Variants in ZFPM2 observed in about 807,000 individuals in gnomAD.
The protein encoded by ZFPM2 is zinc finger protein, FOG family member 2.
In ZFPM2, 20 loss-of-function variants were observed where a neutral mutation model predicts 98.6. That is an observed-to-expected ratio of 0.20 (90% CI 0.14 to 0.29). The LOEUF is 0.29. ZFPM2 is among the 10% of genes least tolerant of loss of function. The pLI is 1.00. For missense variants in ZFPM2, 1,310 were observed against 1,388.6 expected (o/e 0.94, Z 0.90); for synonymous variants, 518 against 502.7 (o/e 1.03, Z -0.41).
intron 4 of ZFPM2, among the ~76,000 whole-genome samples, chr8:105,576,808 G>A (rs1260491783): frequency 4.6e-5 from 7 of 152,018 alleles, no homozygotes; most frequent in African/African-American, 1.4e-4. Flanking sequence ...AAAACAGTTG[G>A]CTATTGTCTG....
At position 105,561,469 on chromosome 8, in the gene ZFPM2, T is replaced by C. The variant is rs1273773357; in HGVS notation, c.408T>C (p.Asn136=). 8 of 1,611,522 alleles carry C rather than the reference T, an allele frequency of 5.0e-6. No individual in the cohort carries two copies. The change falls in exon 4 of 8, where the codon AAT becomes AAC. Residue 136 remains asparagine (N), a synonymous_variant. Coordinates refer to ENST00000407775, the MANE Select transcript of ZFPM2 (RefSeq NM_012082.4). Reference sequence around the variant, plus strand: ...CGTTTCCTGGGAAGATGGACTTGAATAATAATTCTTTGGTATGTGGATATT... The same window carrying C: ...CGTTTCCTGGGAAGATGGACTTGAACAATAATTCTTTGGTATGTGGATATT... ...WGPFPGKMDL[N]NNSLKTKAQV... is the part of the protein sequence containing the mutation.
intron 4 of ZFPM2, among the ~76,000 whole-genome samples, chr8:105,587,278 GAAA>G (rs1217188691): frequency 3.8e-5 from 2 of 52,038 alleles, no homozygotes; most frequent in Admixed American, 2.2e-4. Context: ...CTCTGTCTCA[GAAA>G]AAAAAAAAAA....
chr8:105,794,093 C>T (rs1261269318), intron 6 of ZFPM2, among the ~76,000 whole-genome samples: 1 of 152,196 alleles, frequency 6.6e-6, no homozygotes, highest in Non-Finnish European at 1.5e-5. Flanking sequence ...CCTTCTCCGT[C>T]CAGCTTTGTT....
chr8:105,504,844 G>A (rs2291192), intron 3 of ZFPM2, among the ~76,000 whole-genome samples: 44,271 of 151,912 alleles, frequency 0.29, 6,627 homozygotes, highest in African/African-American at 0.35. Context: ...GAGAGAACAA[G>A]TTTAAAGTAC....
intron 5 of ZFPM2, among the ~76,000 whole-genome samples, chr8:105,676,277 T>C (rs1370399612): frequency 1.3e-5 from 2 of 152,180 alleles, no homozygotes; most frequent in Admixed American, 1.3e-4. Flanking sequence ...TAAGAAGTGC[T>C]TTGTACCACC....
At chr8:105,691,746 G>T (rs1263973786) in intron 5 of ZFPM2, among the ~76,000 whole-genome samples, 1 of 152,192 alleles carries the variant, frequency 6.6e-6, no homozygotes, top group Non-Finnish European at 1.5e-5. Flanking sequence ...TGAGGGTAGT[G>T]ATTTGAGTTA....
At chr8:105,336,593 A>G (rs1422349417) in intron 1 of ZFPM2, among the ~76,000 whole-genome samples, 1 of 151,642 alleles carries the variant, frequency 6.6e-6, no homozygotes, top group Non-Finnish European at 1.5e-5. Flanking sequence ...AGTAATTTTA[A>G]AAGGAATAAA....
At chr8:105,543,012 A>G (rs1440825961) in intron 3 of ZFPM2, among the ~76,000 whole-genome samples, 1 of 152,216 alleles carries the variant, frequency 6.6e-6, no homozygotes. Flanking sequence ...ACTAGTATCC[A>G]AAAAGATGTT....
intron 3 of ZFPM2, among the ~76,000 whole-genome samples, chr8:105,544,982 T>G (rs1814661145): frequency 6.6e-6 from 1 of 152,160 alleles, no homozygotes. Context: ...AAAGGGTGGA[T>G]TAATAATTTA....
intron 4 of ZFPM2, among the ~76,000 whole-genome samples, chr8:105,590,708 A>T (rs999309173): frequency 6.6e-6 from 1 of 152,248 alleles, no homozygotes; most frequent in Admixed American, 6.5e-5. Context: ...AAGTATGTGT[A>T]TACGTATAGA....
chr8:105,685,119 C>T (rs1810700880), intron 5 of ZFPM2, among the ~76,000 whole-genome samples: 1 of 151,992 alleles, frequency 6.6e-6, no homozygotes, highest in Non-Finnish European at 1.5e-5. Flanking sequence ...AAAGCAATGT[C>T]CAGCAAAGCT....
At position 105,696,937 on chromosome 8, in the gene ZFPM2, T is replaced by C. The variant is rs1811031854; in HGVS notation, c.532+62580T>C. 2.0e-5 allele frequency among the ~76,000 whole-genome samples: 3 copies of C among 152,318 alleles called. No homozygotes were observed. The South Asian group carries it at 6.2e-4, about 32-fold the overall frequency. On this transcript the variant is annotated intron_variant, in intron 5 of 7. Transcript: ENST00000407775. The stretch of plus-strand genomic sequence containing the variant: ...AATAAATTGGGGTATCGGTGACCCC[T>C]GATGAACTTGATATGTATTTGATTA...
At chr8:105,332,637 A>C (rs527926148) in intron 1 of ZFPM2, among the ~76,000 whole-genome samples, 1 of 151,784 alleles carries the variant, frequency 6.6e-6, no homozygotes, top group African/African-American at 2.4e-5. Flanking sequence ...TTAGTGCATT[A>C]CATAGTAAGT....
At chr8:105,359,742 G>GA (rs1350588903) in intron 1 of ZFPM2, among the ~76,000 whole-genome samples, 20 of 152,082 alleles carry the variant, frequency 1.3e-4, no homozygotes, top group Non-Finnish European at 2.6e-4. Flanking sequence ...TATTTCAATT[G>GA]AAAAAACTAT....
chr8:105,506,236 A>T (rs936747704), intron 3 of ZFPM2, among the ~76,000 whole-genome samples: 2 of 152,178 alleles, frequency 1.3e-5, no homozygotes, highest in Non-Finnish European at 2.9e-5. Context: ...TGAGAGAAGG[A>T]TTATACTCAA....
chr8:105,641,743 A>C (rs1220462660), intron 5 of ZFPM2, among the ~76,000 whole-genome samples: 1 of 152,138 alleles, frequency 6.6e-6, no homozygotes, highest in Non-Finnish European at 1.5e-5. Context: ...ACTATATGCT[A>C]TATGATGTGA....
chr8:105,780,201 A>C (rs905013937), intron 5 of ZFPM2: 7 of 152,106 alleles, frequency 4.6e-5, no homozygotes, highest in African/African-American at 1.7e-4. Flanking sequence ...GAGACAGACA[A>C]AGAGAGAATC....
At chr8:105,758,035 A>T (rs1486015773) in intron 5 of ZFPM2, among the ~76,000 whole-genome samples, 1 of 152,212 alleles carries the variant, frequency 6.6e-6, no homozygotes, top group Non-Finnish European at 1.5e-5. Flanking sequence ...CCTTACATTT[A>T]TACAGGCAGA....
chr8:105,593,184 C>T (rs1325144700), intron 4 of ZFPM2, among the ~76,000 whole-genome samples: 3 of 151,904 alleles, frequency 2.0e-5, no homozygotes, highest in African/African-American at 4.8e-5. Flanking sequence ...TTAATGGTAT[C>T]GACATGAGTG....
Sources: gnomAD v4.1 joint callset for allele counts (sites outside exome capture counted in the v4.1 genomes callset) on GRCh38, gnomAD v4.1.1 for gene constraint, MANE v1.5 for transcripts, NCBI Gene and HGNC (gene_info 2026-07-23, HGNC 2026-07-21) for gene names.